The following ADCK1 variants were observed in gnomAD, a reference collection of about 807,000 sequenced individuals.
ADCK1 encodes the protein aarF domain-containing protein kinase 1.
Under a neutral mutation model 52.3 loss-of-function variants are expected in ADCK1, and 41 were observed. The ratio of observed to expected loss-of-function variants is 0.78; its 90% CI spans 0.61 to 1.02. The LOEUF (loss-of-function observed/expected upper bound fraction) is 1.02. Among genes scored for constraint, ADCK1 ranks in the 50% least tolerant of loss-of-function variants. The probability of loss-of-function intolerance (pLI) is 0.00; values close to 1 mark genes in which losing one functional copy is unlikely to be tolerated. For missense variants in ADCK1, 658 were observed against 679.5 expected (o/e 0.97, Z 0.35); for synonymous variants, 250 against 274.6 (o/e 0.91, Z 0.89).
intron 7 of ADCK1, among the ~76,000 whole-genome samples, chr14:77,921,731 C>T (rs984238885): frequency 6.5e-4 from 99 of 152,246 alleles, no homozygotes; most frequent in Non-Finnish European, 7.9e-4. Flanking sequence ...TGGCTCTTCT[C>T]ATGTGGATAT....
At chr14:77,883,379 G>T (rs930600771) in intron 4 of ADCK1, among the ~76,000 whole-genome samples, 1 of 144,392 alleles carries the variant, frequency 6.9e-6, no homozygotes, top group Non-Finnish European at 1.5e-5. Flanking sequence ...TGATTGGAGG[G>T]GGGTGGTGTT....
intron 3 of ADCK1, among the ~76,000 whole-genome samples, chr14:77,843,065 T>A (rs1054857223): frequency 1.3e-5 from 2 of 151,828 alleles, no homozygotes; most frequent in Admixed American, 1.3e-4. Context: ...AATTAAAAAA[T>A]TTTTTTTGTA....
At chr14:77,871,443 T>C (rs8011687) in intron 4 of ADCK1, among the ~76,000 whole-genome samples, 38,821 of 152,000 alleles carry the variant, frequency 0.26, 5,083 homozygotes, top group South Asian at 0.33. Flanking sequence ...TGGCAACCTT[T>C]GCCTCCCGGG....
At chr14:77,828,297 G>A (rs749247650) in intron 3 of ADCK1, among the ~76,000 whole-genome samples, 2 of 152,134 alleles carry the variant, frequency 1.3e-5, no homozygotes, top group South Asian at 4.1e-4. Flanking sequence ...AATGATGGTG[G>A]TAGCCTTTGC....
chr14:77,911,396 A>G (rs1297097786), intron 7 of ADCK1, among the ~76,000 whole-genome samples: 1 of 152,154 alleles, frequency 6.6e-6, no homozygotes, highest in Non-Finnish European at 1.5e-5. Flanking sequence ...CACCAACCCA[A>G]TACCTTGGGC....
At chr14:77,852,903 A>AT (rs1566668001) in intron 3 of ADCK1, among the ~76,000 whole-genome samples, 1 of 29,450 alleles carries the variant, frequency 3.4e-5, no homozygotes, top group African/African-American at 1.9e-4. Context: ...ATATATATAT[A>AT]TATATTTTTT....
chr14:77,844,965 G>C (rs1165394463), intron 3 of ADCK1, among the ~76,000 whole-genome samples: 1 of 152,174 alleles, frequency 6.6e-6, no homozygotes, highest in Non-Finnish European at 1.5e-5. Context: ...TGTGCCACGG[G>C]CACAGTAACA....
intron 7 of ADCK1, among the ~76,000 whole-genome samples, chr14:77,920,515 TAGA>T (rs1423865887): frequency 1.3e-5 from 2 of 152,242 alleles, no homozygotes; most frequent in East Asian, 3.8e-4. Context: ...GTAGTATAGT[TAGA>T]AGTTGGGTAA....
rs150062506 is a variant in ADCK1, at chr14:77,805,696, C to T, written c.-12+5526C>T. 2.9e-3 allele frequency among the ~76,000 whole-genome samples: 447 copies of T among 152,096 alleles called. 1 individual carries two copies. The highest frequency in any genetic ancestry group is 5.2e-3 in the Non-Finnish European group (354 of 68,012). On this transcript the variant is annotated intron_variant, in intron 1 of 10. Coordinates refer to ENST00000238561, the MANE Select transcript of ADCK1 (RefSeq NM_020421.4). ...TTGAGGAATGGCACAGAGGCCAGTG[C>T]GTTTGGAGTAGAACGAGTGAAGGGG...
At position 77,907,821 on chromosome 14, in the gene ADCK1, G is replaced by A. The variant is rs1208818912; in HGVS notation, c.760G>A (p.Asp254Asn). ...DFLKVPRIHW[D>N]LSTERVLLME... is the part of the protein sequence containing the mutation. ...ATCCCAGGTCCCCCGAATCCACTGGGACCTGTCCACGGAGCGGGTCCTCCT... is the reference window on the plus strand; with the variant it reads ...ATCCCAGGTCCCCCGAATCCACTGGAACCTGTCCACGGAGCGGGTCCTCCT... Residue 254 changes from aspartate to asparagine, a missense_variant, in exon 7 of 11, where the codon GAC (aspartate) becomes AAC (asparagine). Transcript: ENST00000238561. 3.1e-6 allele frequency: 5 copies of A among 1,613,812 alleles called. No individual in the cohort carries two copies. The African/African-American group carries it at 4.0e-5, about 13-fold the overall frequency.
chr14:77,850,817 ATTTTTT>A (rs879739678), intron 3 of ADCK1, among the ~76,000 whole-genome samples: 1 of 144,644 alleles, frequency 6.9e-6, no homozygotes, highest in African/African-American at 2.5e-5. Context: ...CGCCTGGCTA[ATTTTTT>A]TTTTTGTATT....
intron 3 of ADCK1, among the ~76,000 whole-genome samples, chr14:77,839,692 G>C (rs11159295): frequency 0.34 from 51,698 of 151,774 alleles, 9,566 homozygotes; most frequent in African/African-American, 0.48. Context: ...CCAGCACTTT[G>C]GGAGGCCGAT....
At chr14:77,857,786 C>T (rs767602938) in intron 3 of ADCK1, among the ~76,000 whole-genome samples, 8 of 152,224 alleles carry the variant, frequency 5.3e-5, no homozygotes, top group South Asian at 4.1e-4. Context: ...CAGCGTCCTA[C>T]GTGGCACTGA....
At chr14:77,908,972 A>G (rs1280393603) in intron 7 of ADCK1, among the ~76,000 whole-genome samples, 1 of 152,008 alleles carries the variant, frequency 6.6e-6, no homozygotes, top group Admixed American at 6.6e-5. Context: ...GGGCTGGGGC[A>G]GGATTCCTTG....
At chr14:77,888,071 A>G (rs1270913491) in intron 5 of ADCK1, among the ~76,000 whole-genome samples, 1 of 152,034 alleles carries the variant, frequency 6.6e-6, no homozygotes, top group Non-Finnish European at 1.5e-5. Context: ...TCTTGGGGTA[A>G]TCCTCATTTA....
chr14:77,924,281 G>T, intron 7 of ADCK1, 176 bp from the exon 8 acceptor site: 1 of 751,424 alleles, frequency 1.3e-6, no homozygotes. Flanking sequence ...CTAAAGTTAA[G>T]AAATCTTAAA....
At chr14:77,899,400 A>G in intron 6 of ADCK1, 142 bp downstream of exon 6, 1 of 1,141,252 alleles carries the variant, frequency 8.8e-7, no homozygotes, top group Non-Finnish European at 1.2e-6. Context: ...GAATGACATC[A>G]CTGGTGATGT....
chr14:77,905,073 G>T (rs947877048), intron 6 of ADCK1, among the ~76,000 whole-genome samples: 1 of 152,096 alleles, frequency 6.6e-6, no homozygotes, highest in Non-Finnish European at 1.5e-5. Context: ...GGCACCTGTG[G>T]TTCTGAAGCT....
chr14:77,890,992 G>T (rs933347427), intron 5 of ADCK1, among the ~76,000 whole-genome samples: 1 of 152,172 alleles, frequency 6.6e-6, no homozygotes, highest in African/African-American at 2.4e-5. Context: ...AACACAGGTG[G>T]AAACCTTAGC....
Sources: allele counts gnomAD v4.1 joint callset (sites outside exome capture counted in the v4.1 genomes callset), GRCh38; gene constraint gnomAD v4.1.1; transcripts MANE v1.5; gene names NCBI Gene and HGNC (gene_info 2026-07-23, HGNC 2026-07-21).